The following FRMD5 variants were observed in gnomAD, a reference collection of about 807,000 sequenced individuals.
FRMD5 encodes FERM domain containing 5.
FRMD5 carries 20 observed loss-of-function variants against 69.0 expected under a neutral mutation model. The ratio of observed to expected loss-of-function variants is 0.29; its 90% CI spans 0.20 to 0.42. The LOEUF (loss-of-function observed/expected upper bound fraction) is 0.42, where lower values mean the gene tolerates loss of function less well. FRMD5 is among the 10% of genes least tolerant of loss of function. The pLI is 1.00. For missense variants in FRMD5, 595 were observed against 708.6 expected, an observed-to-expected ratio of 0.84 and a Z score of 1.82; for synonymous variants, 271 against 260.1, an observed-to-expected ratio of 1.04 and a Z score of -0.40.
intron 1 of FRMD5, among the ~76,000 whole-genome samples, chr15:43,938,539 T>TAGTC (rs2140481610): frequency 6.6e-6 from 1 of 152,376 alleles, no homozygotes; most frequent in South Asian, 2.1e-4. Flanking sequence ...GTTGCCTTTA[T>TAGTC]AGTCCTCTGA....
chr15:44,178,240 G>A lies in FRMD5; in HGVS notation c.102+16713C>T, dbSNP rs117992255. On this transcript the variant is annotated intron_variant, in intron 1 of 13. Coordinates refer to ENST00000417257, the MANE Select transcript of FRMD5 (RefSeq NM_032892.5). ...TTGAGAGGCTCACACAAGGAGAATCGCTTGAACCTGGGAGGTGGAAGTTGC... is the reference window on the plus strand; with the variant it reads ...TTGAGAGGCTCACACAAGGAGAATCACTTGAACCTGGGAGGTGGAAGTTGC... Among the ~76,000 whole-genome samples the A allele has an allele frequency of 2.5e-3, 388 of 152,188 alleles. 9 individuals carry two copies. In the East Asian group the frequency reaches 0.057, roughly 22 times the overall value.
chr15:43,955,844 T>C (rs1316793987), intron 1 of FRMD5, among the ~76,000 whole-genome samples: 1 of 152,038 alleles, frequency 6.6e-6, no homozygotes, highest in African/African-American at 2.4e-5. Flanking sequence ...GGTCCTTGGC[T>C]ATACAAGAGA....
intron 7 of FRMD5, among the ~76,000 whole-genome samples, chr15:43,898,271 C>T (rs760883566): frequency 6.6e-6 from 1 of 151,884 alleles, no homozygotes; most frequent in African/African-American, 2.4e-5. Context: ...TTACCCAGTA[C>T]CTTTGGGCAT....
chr15:43,883,917 G>C, intron 12 of FRMD5, 108 bp from the exon 13 acceptor site: 1 of 781,986 alleles, frequency 1.3e-6, no homozygotes, highest in Non-Finnish European at 2.2e-6. Context: ...ATTAAGTCTT[G>C]GTCTCTCTCT....
At chr15:43,952,938 C>G (rs1014713613) in intron 1 of FRMD5, among the ~76,000 whole-genome samples, 1 of 152,176 alleles carries the variant, frequency 6.6e-6, no homozygotes, top group Non-Finnish European at 1.5e-5. Context: ...CTAATCTGGT[C>G]CTGAGAAATT....
At chr15:43,925,626 A>G (rs1228129758) in intron 1 of FRMD5, among the ~76,000 whole-genome samples, 6 of 152,244 alleles carry the variant, frequency 3.9e-5, no homozygotes, top group Non-Finnish European at 5.9e-5. Context: ...TGCTCTCAGA[A>G]TAAAATGAAA....
intron 1 of FRMD5, among the ~76,000 whole-genome samples, chr15:44,182,319 CTTTTCT>C (rs1399575546): frequency 1.9e-5 from 2 of 108,032 alleles, no homozygotes; most frequent in East Asian, 5.7e-4. Flanking sequence ...CCCTACATTG[CTTTTCT>C]TTTTTTTTTT....
chr15:44,127,122 G>T (rs577588719), intron 1 of FRMD5, among the ~76,000 whole-genome samples: 1 of 152,046 alleles, frequency 6.6e-6, no homozygotes, highest in Admixed American at 6.5e-5. Flanking sequence ...TCGCTCTGTC[G>T]CCCAGGCTTG....
intron 1 of FRMD5, among the ~76,000 whole-genome samples, chr15:44,146,510 C>CA (rs548176129): frequency 7.6e-4 from 115 of 152,206 alleles, no homozygotes; most frequent in South Asian, 4.6e-3. Flanking sequence ...GGTATATACC[C>CA]AGTAATGGGA....
intron 1 of FRMD5, among the ~76,000 whole-genome samples, chr15:43,982,620 C>T (rs1039979724): frequency 6.6e-5 from 10 of 152,176 alleles, no homozygotes; most frequent in African/African-American, 2.4e-4. Flanking sequence ...AGGGCACTTT[C>T]ATCTGCATTA....
At chr15:44,096,553 C>T (rs1010534018) in intron 1 of FRMD5, among the ~76,000 whole-genome samples, 46 of 152,058 alleles carry the variant, frequency 3.0e-4, no homozygotes, top group African/African-American at 1.1e-3. Flanking sequence ...TAGGCATGAG[C>T]CACCACACTC....
At chr15:43,943,145 G>A (rs553968903) in intron 1 of FRMD5, among the ~76,000 whole-genome samples, 4 of 152,168 alleles carry the variant, frequency 2.6e-5, no homozygotes. Context: ...GGAGGCTGAG[G>A]AAGACAGAAT....
At chr15:43,906,294 G>A (rs929888716) in intron 5 of FRMD5, among the ~76,000 whole-genome samples, 1 of 152,226 alleles carries the variant, frequency 6.6e-6, no homozygotes, top group Admixed American at 6.5e-5. Flanking sequence ...TGGTCTGGGA[G>A]CAATGGTCTT....
intron 1 of FRMD5, among the ~76,000 whole-genome samples, chr15:43,962,969 G>A (rs1015731312): frequency 1.3e-5 from 2 of 152,140 alleles, no homozygotes; most frequent in African/African-American, 4.8e-5. Flanking sequence ...GAAAACGTAG[G>A]CAATACCATT....
At chr15:44,126,345 A>G (rs1296175047) in intron 1 of FRMD5, among the ~76,000 whole-genome samples, 1 of 152,214 alleles carries the variant, frequency 6.6e-6, no homozygotes, top group Non-Finnish European at 1.5e-5. Flanking sequence ...CTTCTTTGCC[A>G]CAGTAATTAC....
intron 7 of FRMD5, among the ~76,000 whole-genome samples, chr15:43,892,869 C>T (rs1301889361): frequency 5.3e-5 from 8 of 152,204 alleles, no homozygotes; most frequent in East Asian, 3.9e-4. Flanking sequence ...TTTGGGAGGC[C>T]GAGGCAGGTG....
At chr15:44,183,049 T>C (rs1281870737) in intron 1 of FRMD5, among the ~76,000 whole-genome samples, 1 of 152,034 alleles carries the variant, frequency 6.6e-6, no homozygotes, top group Middle Eastern at 3.2e-3. Flanking sequence ...CCGCCCACCT[T>C]GGCCTCCCAA....
chr15:43,927,248 G>C (rs1287978198), intron 1 of FRMD5, among the ~76,000 whole-genome samples: 1 of 152,166 alleles, frequency 6.6e-6, no homozygotes, highest in African/African-American at 2.4e-5. Flanking sequence ...GACACCAGGT[G>C]GGGTGGAGGT....
At chr15:43,967,230 C>CATAT (rs34586661) in intron 1 of FRMD5, among the ~76,000 whole-genome samples, 3 of 147,144 alleles carry the variant, frequency 2.0e-5, no homozygotes, top group South Asian at 4.3e-4. Flanking sequence ...AATATATAAA[C>CATAT]ATATATATAT....
Sources: allele counts gnomAD v4.1 joint callset (sites outside exome capture counted in the v4.1 genomes callset), GRCh38; gene constraint gnomAD v4.1.1; transcripts MANE v1.5; gene names NCBI Gene and HGNC (gene_info 2026-07-23, HGNC 2026-07-21).